The following TBL1XR1 variants were observed in gnomAD, a reference collection of about 807,000 sequenced individuals.
TBL1XR1 encodes the protein F-box-like/WD repeat-containing protein TBL1XR1.
Under a neutral mutation model 66.9 loss-of-function variants are expected in TBL1XR1, and 5 were observed. That is an observed-to-expected ratio of 0.07 (90% CI 0.04 to 0.16). TBL1XR1 has a LOEUF of 0.16. Ranked by LOEUF, TBL1XR1 falls within the 10% of genes least tolerant of loss-of-function variation. The pLI is 1.00. For synonymous variants in TBL1XR1, 210 were observed against 206.0 expected (o/e 1.02, Z -0.17); for missense variants, 238 against 623.2 (o/e 0.38, Z 6.58).
intron 3 of TBL1XR1, among the ~76,000 whole-genome samples, chr3:177,062,280 G>C (rs1334202803): frequency 6.6e-6 from 1 of 152,166 alleles, no homozygotes; most frequent in African/African-American, 2.4e-5. Context: ...TTTCTGTCAA[G>C]ATATTGTGAA....
At chr3:177,036,266 T>TC (rs1714770958) in intron 12 of TBL1XR1, among the ~76,000 whole-genome samples, 1 of 152,184 alleles carries the variant, frequency 6.6e-6, no homozygotes, top group African/African-American at 2.4e-5. Flanking sequence ...AGACCACCTA[T>TC]CTGCTGAGAA....
intron 1 of TBL1XR1, among the ~76,000 whole-genome samples, chr3:177,133,681 C>T (rs989533999): frequency 1.3e-5 from 2 of 151,924 alleles, no homozygotes; most frequent in African/African-American, 4.8e-5. Context: ...GCAGATGGAT[C>T]ATTTGAGGTC....
intron 2 of TBL1XR1, among the ~76,000 whole-genome samples, chr3:177,082,385 G>A (rs1577107766): frequency 2.6e-5 from 4 of 151,592 alleles, no homozygotes; most frequent in African/African-American, 9.7e-5. Flanking sequence ...ATACCAGAGA[G>A]AAAAATGAAA....
intron 9 of TBL1XR1, 43 bp downstream of exon 9, chr3:177,047,257 C>T (rs1435222952): frequency 1.4e-6 from 2 of 1,444,888 alleles, no homozygotes; most frequent in South Asian, 1.3e-5. Context: ...TTCAATTAAG[C>T]TCTGTAATAC....
intron 3 of TBL1XR1, among the ~76,000 whole-genome samples, chr3:177,060,470 A>C (rs1030169594): frequency 1.3e-5 from 2 of 152,238 alleles, no homozygotes; most frequent in Non-Finnish European, 2.9e-5. Context: ...CAAGTACAAT[A>C]TAAATGGAGA....
intron 1 of TBL1XR1, among the ~76,000 whole-genome samples, chr3:177,130,532 T>C (rs1192427782): frequency 6.6e-6 from 1 of 152,212 alleles, no homozygotes. Context: ...TTTCTGTATA[T>C]AGTAACATCA....
chr3:177,067,900 C>T (rs1719379836), intron 2 of TBL1XR1, among the ~76,000 whole-genome samples: 1 of 152,130 alleles, frequency 6.6e-6, no homozygotes, highest in Non-Finnish European at 1.5e-5. Context: ...TAGTCTTCCC[C>T]TGCCCGCATG....
chr3:177,169,896 T>C (rs1031354935), intron 1 of TBL1XR1, among the ~76,000 whole-genome samples: 1 of 152,020 alleles, frequency 6.6e-6, no homozygotes, highest in Non-Finnish European at 1.5e-5. Flanking sequence ...ATACTCCTTA[T>C]TGATCAGCAG....
intron 1 of TBL1XR1, among the ~76,000 whole-genome samples, chr3:177,183,535 G>A (rs1735069175): frequency 6.6e-6 from 1 of 152,074 alleles, no homozygotes. Context: ...TTTTGAGACG[G>A]AGTTTCACTC....
intron 10 of TBL1XR1, among the ~76,000 whole-genome samples, chr3:177,039,951 C>T (rs1009667604): frequency 6.6e-6 from 1 of 152,152 alleles, no homozygotes; most frequent in Non-Finnish European, 1.5e-5. Context: ...TTATGGCCTA[C>T]AATGTCTAAA....
intron 3 of TBL1XR1, among the ~76,000 whole-genome samples, chr3:177,060,112 T>C (rs1560128323): frequency 6.6e-6 from 1 of 152,176 alleles, no homozygotes; most frequent in Non-Finnish European, 1.5e-5. Context: ...ACCAGTGGCT[T>C]CCTTGCCCCT....
At position 177,123,791 on chromosome 3, in the gene TBL1XR1, T is replaced by C. The variant is rs1306813174; in HGVS notation, c.-121-25250A>G. On this transcript the variant is annotated intron_variant, in intron 1 of 15. Coordinates refer to ENST00000457928, the MANE Select transcript of TBL1XR1 (RefSeq NM_024665.7). ...ACTAGTACATTTTCTCCTGAGTACA[T>C]TTTGAACAATCTACTCAAGTGGATC... Among the ~76,000 whole-genome samples, 8 of 44,282 alleles carry C rather than the reference T, an allele frequency of 1.8e-4. No individual in the cohort carries two copies. The East Asian group carries it at 6.1e-3, about 34-fold the overall frequency. The allele number at this position is 44,282 out of a possible 152,430, so 29.1% of individuals were successfully genotyped here.
chr3:177,070,962 C>T (rs1355417532), intron 2 of TBL1XR1, among the ~76,000 whole-genome samples: 4 of 151,148 alleles, frequency 2.6e-5, no homozygotes, highest in African/African-American at 4.9e-5. Context: ...CAATAGAAAG[C>T]TAATGAGACT....
In TBL1XR1 at chr3:177,187,943, C is replaced by CTTTTTTTTTTTTT. The variant is rs571361204; in HGVS notation, c.-122+9165_-122+9177dup. Among the ~76,000 whole-genome samples, 12 of 77,838 alleles carry CTTTTTTTTTTTTT rather than the reference C, an allele frequency of 1.5e-4. 1 individual carries two copies. The highest frequency in any genetic ancestry group is 5.3e-4 in the African/African-American group (8 of 15,096). The allele number at this position is 77,838 out of a possible 152,430, so 51.1% of individuals were successfully genotyped here. A position where few individuals can be genotyped will look rare whatever the true frequency, so the allele number is the denominator to read the frequency against. On this transcript the variant is annotated intron_variant, in intron 1 of 15. Transcript: ENST00000457928. ...GCTTGAGAGTCCAGAGTACAATTTC[C>CTTTTTTTTTTTTT]TTTTTTTTTTTTTTTTTTTTTTTTG...
At position 177,084,101 on chromosome 3, in the gene TBL1XR1, AAG is replaced by A. The variant is rs1491075101; in HGVS notation, c.-46+14363_-46+14364del. Reference sequence around the variant, plus strand: ...AGACTCCGTCTCAAAAAAAAAAAAAAAGAAAAAAGAAAAGAAAAGAAAAAACT... The same window carrying A: ...AGACTCCGTCTCAAAAAAAAAAAAAAAAAAAAGAAAAGAAAAGAAAAAACT... On this transcript the variant is annotated intron_variant, in intron 2 of 15. Coordinates refer to ENST00000457928, the MANE Select transcript of TBL1XR1 (RefSeq NM_024665.7). 1.9e-3 allele frequency among the ~76,000 whole-genome samples: 241 copies of A among 128,536 alleles called. 3 individuals carry two copies. The East Asian group carries it at 0.02, about 11-fold the overall frequency. The allele number at this position is 128,536 out of a possible 152,430, so 84.3% of individuals were successfully genotyped here. A position where few individuals can be genotyped will look rare whatever the true frequency, so the allele number is the denominator to read the frequency against.
chr3:177,046,103 T>C, intron 10 of TBL1XR1, 26 bp downstream of exon 10: 1 of 1,512,442 alleles, frequency 6.6e-7, no homozygotes, highest in East Asian at 2.5e-5. Flanking sequence ...AAGCTCCAGC[T>C]TTCACGTAAA....
intron 1 of TBL1XR1, among the ~76,000 whole-genome samples, chr3:177,149,077 G>A (rs1166448221): frequency 6.6e-6 from 1 of 152,102 alleles, no homozygotes; most frequent in Non-Finnish European, 1.5e-5. Context: ...GCAATGAGCA[G>A]AGCTTCCATT....
intron 1 of TBL1XR1, among the ~76,000 whole-genome samples, chr3:177,125,486 C>T (rs1577240594): frequency 2.0e-5 from 3 of 152,086 alleles, no homozygotes; most frequent in East Asian, 1.9e-4. Flanking sequence ...ACAGTCTGGC[C>T]GTTCCTCAAT....
intron 10 of TBL1XR1, among the ~76,000 whole-genome samples, chr3:177,040,872 C>G (rs1044460886): frequency 2.1e-4 from 32 of 151,952 alleles, no homozygotes; most frequent in African/African-American, 7.7e-4. Context: ...AGGAAACAGA[C>G]TGGAAAGAAA....
Sources: allele counts gnomAD v4.1 joint callset (sites outside exome capture counted in the v4.1 genomes callset), GRCh38; gene constraint gnomAD v4.1.1; transcripts MANE v1.5; gene names NCBI Gene and HGNC (gene_info 2026-07-23, HGNC 2026-07-21).